Variants in RORA observed in about 807,000 individuals in gnomAD.
The protein encoded by RORA is RAR related orphan receptor A.
A neutral mutation model predicts 69.5 loss-of-function variants in RORA; 7 were observed. The observed-to-expected ratio is 0.10, with a 90% confidence interval of 0.06 to 0.19. The LOEUF (loss-of-function observed/expected upper bound fraction) is 0.19, where lower values mean the gene tolerates loss of function less well. Among genes scored for constraint, RORA ranks in the 10% least tolerant of loss-of-function variants. The pLI, the probability that RORA is intolerant of heterozygous loss-of-function variation, is 1.00. For synonymous variants in RORA, 261 were observed against 240.8 expected, an observed-to-expected ratio of 1.08 and a Z score of -0.78; for missense variants, 457 against 663.0, an observed-to-expected ratio of 0.69 and a Z score of 3.41.
At chr15:60,581,812 T>A (rs2068203749) in intron 2 of RORA, among the ~76,000 whole-genome samples, 3 of 152,192 alleles carry the variant, frequency 2.0e-5, no homozygotes, top group Admixed American at 2.0e-4. Flanking sequence ...AGGTCTCAAA[T>A]TAGGAAGTTA....
chr15:61,108,314 T>A (rs2078970908), intron 1 of RORA, among the ~76,000 whole-genome samples: 1 of 152,196 alleles, frequency 6.6e-6, no homozygotes, highest in Non-Finnish European at 1.5e-5. Context: ...AGTGAGCCAA[T>A]GATTTTTTTT....
At chr15:60,543,144 A>C (rs2066950198) in intron 2 of RORA, among the ~76,000 whole-genome samples, 1 of 135,364 alleles carries the variant, frequency 7.4e-6, no homozygotes, top group African/African-American at 2.7e-5. Flanking sequence ...GCTTCACTGC[A>C]TAGGAATTAA....
At chr15:60,864,075 G>A (rs2073460576) in intron 1 of RORA, among the ~76,000 whole-genome samples, 1 of 152,210 alleles carries the variant, frequency 6.6e-6, no homozygotes, top group Admixed American at 6.5e-5. Context: ...AAAGTGCTGG[G>A]ATTATAGGCG....
intron 1 of RORA, among the ~76,000 whole-genome samples, chr15:60,923,333 C>T (rs572022104): frequency 1.2e-4 from 18 of 152,324 alleles, no homozygotes; most frequent in South Asian, 2.1e-4. Flanking sequence ...CCCCCACTCC[C>T]GAACAAAGGG....
intron 1 of RORA, among the ~76,000 whole-genome samples, chr15:60,767,022 A>G (rs144531898): frequency 3.3e-5 from 5 of 152,328 alleles, no homozygotes; most frequent in Non-Finnish European, 7.3e-5. Context: ...GCCCAAAGAC[A>G]TGTACTGTTT....
intron 1 of RORA, among the ~76,000 whole-genome samples, chr15:60,956,802 A>G (rs983730607): frequency 2.0e-5 from 3 of 152,176 alleles, no homozygotes; most frequent in South Asian, 2.1e-4. Context: ...CATCCTTTCA[A>G]TTATCAGTAC....
At chr15:61,001,698 T>C (rs539100303) in intron 1 of RORA, among the ~76,000 whole-genome samples, 1 of 152,144 alleles carries the variant, frequency 6.6e-6, no homozygotes, top group Admixed American at 6.5e-5. Context: ...CACTTTCTAG[T>C]GGGAGGAGTG....
Position 60,492,210 on chromosome 15 carries a change from G to A in RORA, c.*5245C>T, listed in dbSNP as rs1194006599. ...AAAATATATAAATCTTCTTGTGAAT[G>A]TGTATCCCAAGGTGGAAGAATCAGA... On this transcript the variant is annotated 3_prime_UTR_variant, in exon 11 of 11. Coordinates refer to ENST00000335670, the MANE Select transcript of RORA (RefSeq NM_134261.3). 1 of 152,180 alleles carries A rather than the reference G, an allele frequency of 6.6e-6. No homozygotes were observed. The highest frequency in any genetic ancestry group is 6.5e-5 in the Admixed American group (1 of 15,278). The allele number at this position is 152,180 out of a possible 1,614,324, so 9.4% of individuals were successfully genotyped here.
At chr15:60,584,494 C>A (rs1237384271) in intron 2 of RORA, among the ~76,000 whole-genome samples, 1 of 152,156 alleles carries the variant, frequency 6.6e-6, no homozygotes, top group South Asian at 2.1e-4. Flanking sequence ...CATAAAGCAG[C>A]CTTCTCTGAC....
At chr15:60,855,698 G>A (rs984844181) in intron 1 of RORA, among the ~76,000 whole-genome samples, 6 of 152,192 alleles carry the variant, frequency 3.9e-5, no homozygotes, top group Non-Finnish European at 8.8e-5. Flanking sequence ...TCAGCTCACT[G>A]CAGCCTCCGC....
At chr15:60,694,756 C>T (rs2070878027) in intron 1 of RORA, among the ~76,000 whole-genome samples, 1 of 152,204 alleles carries the variant, frequency 6.6e-6, no homozygotes, top group African/African-American at 2.4e-5. Flanking sequence ...AAAACCAGCA[C>T]TCTCAAGGCC....
At chr15:60,963,423 G>GTT (rs752284261) in intron 1 of RORA, among the ~76,000 whole-genome samples, 39 of 152,324 alleles carry the variant, frequency 2.6e-4, no homozygotes, top group Non-Finnish European at 4.3e-4. Context: ...GGAAGCAATG[G>GTT]TTGAAAAGGG....
rs545168599 is a variant in RORA, at chr15:60,943,916, CAAAAAAA to C, written c.167-265237_167-265231del. Among the ~76,000 whole-genome samples the C allele has an allele frequency of 5.4e-3, 176 of 32,372 alleles. 5 individuals carry two copies. The highest frequency in any genetic ancestry group is 0.017 in the African/African-American group (150 of 9,042). The allele number at this position is 32,372 out of a possible 152,430, so 21.2% of individuals were successfully genotyped here. A position where few individuals can be genotyped will look rare whatever the true frequency, so the allele number is the denominator to read the frequency against. On this transcript the variant is annotated intron_variant, in intron 1 of 10. Transcript: ENST00000335670. ...GGGTGACAGAGCCAGACTCCATCTC[CAAAAAAA>C]AAAAAAAAAAAAAAAAAGTGAGTAA...
chr15:61,054,846 G>A (rs530245060), intron 1 of RORA, among the ~76,000 whole-genome samples: 1 of 149,836 alleles, frequency 6.7e-6, no homozygotes, highest in East Asian at 2.0e-4. Context: ...TTTTTGGTGG[G>A]GGAGCAGTGA....
intron 1 of RORA, among the ~76,000 whole-genome samples, chr15:61,174,638 C>G (rs1411407480): frequency 6.6e-6 from 1 of 152,162 alleles, no homozygotes; most frequent in Non-Finnish European, 1.5e-5. Context: ...TCCTTATCAA[C>G]CGCTCTCATA....
intron 1 of RORA, among the ~76,000 whole-genome samples, chr15:61,210,669 C>T (rs1415731392): frequency 6.6e-6 from 1 of 152,160 alleles, no homozygotes; most frequent in African/African-American, 2.4e-5. Context: ...AATAGATACA[C>T]ACGCATTTTT....
intron 1 of RORA, among the ~76,000 whole-genome samples, chr15:61,125,637 T>G (rs1296753938): frequency 1.3e-5 from 2 of 152,254 alleles, no homozygotes; most frequent in Non-Finnish European, 2.9e-5. Context: ...TATTTCCCTA[T>G]GAACTAATTC....
At chr15:61,062,514 G>C (rs1293773968) in intron 1 of RORA, among the ~76,000 whole-genome samples, 1 of 152,174 alleles carries the variant, frequency 6.6e-6, no homozygotes, top group Non-Finnish European at 1.5e-5. Context: ...AGTGTTGAGA[G>C]ACAGGAGGAG....
chr15:60,735,580 A>AAAAAAAAACC (rs561804575), intron 1 of RORA, among the ~76,000 whole-genome samples: 4,442 of 152,010 alleles, frequency 0.029, 233 homozygotes, highest in African/African-American at 0.1. Flanking sequence ...AAAAAGGAAA[A>AAAAAAAAACC]AAAAAAAACC....
Sources: gnomAD v4.1 joint callset for allele counts (sites outside exome capture counted in the v4.1 genomes callset) on GRCh38, gnomAD v4.1.1 for gene constraint, MANE v1.5 for transcripts, NCBI Gene and HGNC (gene_info 2026-07-23, HGNC 2026-07-21) for gene names.